The following DPP7 variants were observed in gnomAD, a reference collection of about 807,000 sequenced individuals.
DPP7 encodes the protein dipeptidyl peptidase 2.
A neutral mutation model predicts 58.8 loss-of-function variants in DPP7; 74 were observed. The observed-to-expected ratio is 1.26, with a 90% CI of 1.04 to 1.53. The LOEUF (loss-of-function observed/expected upper bound fraction) is 1.53. DPP7 is among the 40% of genes most tolerant of loss of function. The probability of loss-of-function intolerance (pLI) is 0.00; values close to 1 mark genes in which losing one functional copy is unlikely to be tolerated. For synonymous variants in DPP7, 350 were observed against 303.6 expected (o/e 1.15, Z -1.59); for missense variants, 807 against 692.3 (o/e 1.17, Z -1.86).
At chr9:137,112,568 G>GC (rs1831423935) in intron 8 of DPP7, 177 bp downstream of exon 8, 7 of 804,244 alleles carry the variant, frequency 8.7e-6, no homozygotes, top group Non-Finnish European at 1.3e-5. Context: ...GGTCCCCAGG[G>GC]ACGGCCCCTG....
At chr9:137,115,503 T>A (rs747894713), upstream of DPP7, among the ~76,000 whole-genome samples, 1 of 152,100 alleles carries the variant, frequency 6.6e-6, no homozygotes, top group Non-Finnish European at 1.5e-5. Flanking sequence ...CTGCTGGGGA[T>A]GTACATGGGC....
intron 10 of DPP7, 39 bp from the exon 11 acceptor site, chr9:137,111,793 C>A (rs1204193957): frequency 6.2e-7 from 1 of 1,613,312 alleles, no homozygotes; most frequent in Non-Finnish European, 8.5e-7. Context: ...GGGCCCCTCA[C>A]GGGGGCTGTG....
chr9:137,114,926 C>T (rs950295393), upstream of DPP7: 40 of 341,886 alleles, frequency 1.2e-4, no homozygotes, highest in African/African-American at 7.7e-4. Context: ...AAGCAGAGGG[C>T]CCCCGGGCCA....
In DPP7 at chr9:137,113,656, G is replaced by A. The variant is rs756391061; in HGVS notation, c.486-160C>T. On this transcript the variant is annotated intron_variant, in intron 4 of 12. Transcript: ENST00000371579. Reference sequence around the variant, plus strand: ...GGTGCAGCTCTCACTGGGAAAGGCCGCTAGTGTGGCCGCACATCCAAGCTG... The same window carrying A: ...GGTGCAGCTCTCACTGGGAAAGGCCACTAGTGTGGCCGCACATCCAAGCTG... 17 of 1,428,286 alleles carry A rather than the reference G, an allele frequency of 1.2e-5. No individual in the cohort carries two copies. In the Admixed American group the frequency reaches 4.6e-4, roughly 39 times the overall value. 88.5% of individuals were successfully genotyped at this position (1,428,286 alleles called of 1,614,324 possible).
rs774827653 is a variant in DPP7 at position 137,110,678 on chromosome 9, A to T, written c.1449T>A (p.Ala483=). 1.2e-6 allele frequency: 2 copies of T among 1,609,750 alleles called. No homozygotes were observed. Among genetic ancestry groups the T allele is most frequent in the Admixed American group, 3.3e-5 (2 of 60,006 alleles). ...GGCTGAGTCTGGGCCCCCCACGCAG[A>T]GCTGGCTGCTGCTCACGCCTGGCTG... is the stretch of plus-strand genomic sequence containing the variant. ...VKAARREQQP[A]LRGGPRLSL Residue 483 remains alanine (A), a synonymous_variant, in exon 13 of 13, where the codon GCT becomes GCA. Transcript: ENST00000371579.
chr9:137,111,722 T>G lies in DPP7; in HGVS notation c.1240A>C (p.Asn414His). 1.2e-6 allele frequency: 2 copies of G among 1,613,426 alleles called. No homozygotes were observed. Among genetic ancestry groups the G allele is most frequent in the African/African-American group, 1.3e-5 (1 of 74,918 alleles). Reference sequence around the variant, plus strand: ...CCTGCCCAGGGGTCCAGGTTCCCGTTGGAGAAGATGATGTTGCTGGCGGCT... The same window carrying G: ...CCTGCCCAGGGGTCCAGGTTCCCGTGGGAGAAGATGATGTTGCTGGCGGCT... ...LRAASNIIFS[N>H]GNLDPWAGGG... The change falls in exon 11 of 13, where the codon AAC becomes CAC. Residue 414 changes from asparagine (N) to histidine (H), a missense_variant. This residue lies in a region of DPP7 where 624 missense variants were observed against 531.2 expected (regional missense o/e 1.17). Transcript: ENST00000371579.
At chr9:137,114,767 G>A, upstream of DPP7, 1 of 1,228,678 alleles carries the variant, frequency 8.1e-7, no homozygotes, top group Non-Finnish European at 1.0e-6. Context: ...CCGCCAGGGC[G>A]CGCTCCTCCC....
chr9:137,110,572 C>G lies in DPP7; in HGVS notation c.*76G>C, dbSNP rs1246300807. On this transcript the variant is annotated 3_prime_UTR_variant, in exon 13 of 13. Transcript: ENST00000371579. Reference sequence around the variant, plus strand: ...CCAGGCCTCCAGGCGTTTATTCAGCCCCTTCCCTCTGCCGCCAGCTGCTTG... The same window carrying G: ...CCAGGCCTCCAGGCGTTTATTCAGCGCCTTCCCTCTGCCGCCAGCTGCTTG... 6.5e-7 allele frequency: 1 copy of G among 1,549,352 alleles called. No homozygotes were observed. The highest frequency in any genetic ancestry group is 8.7e-7 in the Non-Finnish European group (1 of 1,148,852).
At chr9:137,115,555 C>T (rs1216018451), upstream of DPP7, among the ~76,000 whole-genome samples, 4 of 152,162 alleles carry the variant, frequency 2.6e-5, no homozygotes, top group Non-Finnish European at 2.9e-5. Flanking sequence ...AGCAGGGGCT[C>T]AGCTACAGAG....
rs754458629 is a variant in DPP7 at position 137,113,279 on chromosome 9, C to G, written c.630G>C (p.Glu210Asp). ...QFFRDVTADF[E>D]GQSPKCTQGV... is the part of the protein sequence containing the mutation. ...CCTGGGTGCATTTGGGACTCTGGCC[C>G]TCAAAGTCCTGGGGGAAAGAGACCG... Residue 210 changes from glutamate (E) to aspartate (D), a missense_variant, in exon 6 of 13, where the codon GAG (glutamate) becomes GAC (aspartate). Transcript: ENST00000371579. 1 of 1,613,756 alleles carries G rather than the reference C, an allele frequency of 6.2e-7. No homozygotes were observed. The highest frequency in any genetic ancestry group is 8.5e-7 in the Non-Finnish European group (1 of 1,179,982).
At chr9:137,113,646 G>A in intron 4 of DPP7, 150 bp from the exon 5 acceptor site, 1 of 1,428,896 alleles carries the variant, frequency 7.0e-7, no homozygotes, top group Non-Finnish European at 9.1e-7. Context: ...AGCTCTCACT[G>A]GGAAAGGCCG....
intron 11 of DPP7, 54 bp downstream of exon 11, chr9:137,111,636 T>C (rs1831369120): frequency 6.4e-7 from 1 of 1,559,462 alleles, no homozygotes; most frequent in Non-Finnish European, 8.8e-7. Flanking sequence ...AGACCCTGTC[T>C]CAAAAAAAAA....
intron 6 of DPP7, 34 bp from the exon 7 acceptor site, chr9:137,113,153 C>G: frequency 2.5e-6 from 4 of 1,613,736 alleles, no homozygotes; most frequent in Non-Finnish European, 3.4e-6. Flanking sequence ...GAAGTTTGGG[C>G]ATAGCTGGCG....
chr9:137,111,647 A>C lies in DPP7; in HGVS notation c.1272+43T>G, dbSNP rs545397083. ...AGAAAGACCCTGTCTCAAAAAAAAA[A>C]CAAACAAACTAACGGGGTCATAGGG... On this transcript the variant is annotated intron_variant, in intron 11 of 12. Coordinates refer to ENST00000371579, the MANE Select transcript of DPP7 (RefSeq NM_013379.3). 6.0e-4 allele frequency: 942 copies of C among 1,558,502 alleles called. 5 individuals are homozygous for C. The African/African-American group carries it at 0.012, about 20-fold the overall frequency.
chr9:137,113,442 C>CCG lies in DPP7; in HGVS notation c.539_540insCG (p.Ala182GlyfsTer10). On this transcript the variant is annotated frameshift_variant, in exon 5 of 13. Coordinates refer to ENST00000371579, the MANE Select transcript of DPP7 (RefSeq NM_013379.3). LOFTEE classifies it high-confidence loss of function. ...CGGGCGCGCTGGCCGCCAGCGCCCCCGCCACCAGGTGGGGATACTTCATCC... is the reference window on the plus strand; with the variant it reads ...CGGGCGCGCTGGCCGCCAGCGCCCCCCGGCCACCAGGTGGGGATACTTCATCC... 1 of 1,605,046 alleles carries CCG rather than the reference C, an allele frequency of 6.2e-7. No individual in the cohort carries two copies. Among genetic ancestry groups the CCG allele is most frequent in the Non-Finnish European group, 8.5e-7 (1 of 1,174,706 alleles).
chr9:137,115,491 T>A (rs1048250591), upstream of DPP7, among the ~76,000 whole-genome samples: 1 of 151,712 alleles, frequency 6.6e-6, no homozygotes, highest in Non-Finnish European at 1.5e-5. Flanking sequence ...CTACGTGGAG[T>A]CCTGCTGGGG....
chr9:137,115,689 G>T (rs1450815857), upstream of DPP7, among the ~76,000 whole-genome samples: 3 of 152,068 alleles, frequency 2.0e-5, no homozygotes, highest in African/African-American at 7.2e-5. Flanking sequence ...GCCCTCCCGT[G>T]CCTCACACAG....
At chr9:137,110,810 GTCAGCCCCAGC>G (rs1831320078) in intron 12 of DPP7, 27 bp from the exon 13 acceptor site, 1 of 1,601,512 alleles carries the variant, frequency 6.2e-7, no homozygotes, top group African/African-American at 1.3e-5. Context: ...GAGGGGGCCC[GTCAGCCCCAGC>G]CCTCGGTGAG....
rs1459294919 is a variant in DPP7, at chr9:137,112,785, C to G, written c.891G>C (p.Leu297=). The G allele has an allele frequency of 1.2e-6, 2 of 1,609,538 alleles. No homozygotes were observed. The highest frequency in any genetic ancestry group is 1.7e-6 in the Non-Finnish European group (2 of 1,179,444). The change falls in exon 8 of 13, where the codon CTG becomes CTC. Residue 297 remains leucine (L), a synonymous_variant. Transcript: ENST00000371579. ...NPVKVGCDRL[L]SEAQRITGLR... ...GCCCCGTGATCCTCTGGGCCTCACT[C>G]AGCAGCCGATCACAGCCCACCTGGA... is the stretch of plus-strand genomic sequence containing the variant.
Sources: gnomAD v4.1 joint callset for allele counts (sites outside exome capture counted in the v4.1 genomes callset) on GRCh38, gnomAD v4.1.1 for gene constraint, gnomAD v4.1.1 regional missense constraint, MANE v1.5 for transcripts, NCBI Gene and HGNC (gene_info 2026-07-23, HGNC 2026-07-21) for gene names.